Variants in SPACA6 observed in about 807,000 individuals in gnomAD.
The protein encoded by SPACA6 is sperm acrosome associated 6.
For synonymous variants in SPACA6, 6 were observed against 1.5 expected, an observed-to-expected ratio of 4.05 and a Z score of -2.21; for missense variants, 8 against 2.8, an observed-to-expected ratio of 2.88 and a Z score of -1.34.
rs1319278192 is a variant in SPACA6, at chr19:51,704,000, T to C, written c.574-30T>C. 2 of 399,814 alleles carry C rather than the reference T, an allele frequency of 5.0e-6. No individual in the cohort carries two copies. Among genetic ancestry groups the C allele is most frequent in the African/African-American group, 2.1e-5 (1 of 48,272 alleles). 24.8% of individuals were successfully genotyped at this position (399,814 alleles called of 1,614,324 possible). On this transcript the variant is annotated intron_variant, in intron 6 of 8. Transcript: ENST00000637797. The surrounding 1 kb of genome is among the most constrained non-coding windows in gnomAD (Gnocchi z 4.2). The stretch of plus-strand genomic sequence containing the variant: ...TAGGTTACTCAGTGGCAAGCCGGAG[T>C]TGAGGCGTTTAAACCCGCGTGTCCC...
intron 2 of SPACA6, among the ~76,000 whole-genome samples, chr19:51,699,811 G>A (rs1024182966): frequency 6.6e-5 from 10 of 152,242 alleles, no homozygotes; most frequent in South Asian, 2.1e-4. Flanking sequence ...GTTTGGTTGC[G>A]GGGGATGGGG....
intron 2 of SPACA6, among the ~76,000 whole-genome samples, chr19:51,711,121 G>A (rs910216478): frequency 4.7e-4 from 72 of 152,164 alleles, no homozygotes; most frequent in African/African-American, 1.5e-3. Context: ...AGCGTTTCAA[G>A]GAAGAGTGAT....
upstream of SPACA6, chr19:51,692,524 C>G (rs917207605): frequency 2.2e-6 from 1 of 451,310 alleles, no homozygotes; most frequent in Non-Finnish European, 4.4e-6. This position sits in a 1 kb window ranked among gnomAD's most constrained non-coding sequence, Gnocchi z 5.6. Context: ...AGCCTTGACT[C>G]CAGGGTCCCT....
upstream of SPACA6, chr19:51,689,680 G>C (rs1241801071): frequency 2.0e-5 from 3 of 147,792 alleles, no homozygotes; most frequent in African/African-American, 5.0e-5. Flanking sequence ...GTTCTTGGAG[G>C]AGGAGTTGGG....
downstream of SPACA6, among the ~76,000 whole-genome samples, chr19:51,710,346 G>T (rs540707104): frequency 1.3e-5 from 2 of 152,202 alleles, no homozygotes; most frequent in African/African-American, 4.8e-5. Context: ...ATCAAAGAAT[G>T]CATGAATGGG....
At chr19:51,702,037 C>G (rs964467005) in intron 3 of SPACA6, among the ~76,000 whole-genome samples, 1 of 152,152 alleles carries the variant, frequency 6.6e-6, no homozygotes, top group Non-Finnish European at 1.5e-5. Flanking sequence ...GCACTCCAGC[C>G]TGGGTGACAG....
At chr19:51,709,531 C>CAAAAAAAAAAAAAAA (rs56170768), downstream of SPACA6, among the ~76,000 whole-genome samples, 1 of 54,456 alleles carries the variant, frequency 1.8e-5, no homozygotes. Flanking sequence ...AAAAAAAAGG[C>CAAAAAAAAAAAAAAA]AAAAAAAAAA....
At chr19:51,701,622 T>A in intron 2 of SPACA6, 36 bp from the exon 3 acceptor site, 1 of 398,650 alleles carries the variant, frequency 2.5e-6, no homozygotes, top group Non-Finnish European at 4.4e-6. Context: ...GGGGAAGGGC[T>A]TTACTACACA....
chr19:51,711,342 C>G (rs993358739), intron 2 of SPACA6, among the ~76,000 whole-genome samples: 6 of 152,204 alleles, frequency 3.9e-5, no homozygotes, highest in Non-Finnish European at 7.4e-5. Context: ...ACAATGAAAG[C>G]CACTTCACAC....
chr19:51,692,892 C>T (rs748537392), upstream of SPACA6: 3 of 532,770 alleles, frequency 5.6e-6, no homozygotes, highest in East Asian at 5.5e-5. The surrounding 1 kb of genome is among the most constrained non-coding windows in gnomAD (Gnocchi z 5.6). Context: ...CGGGGCCCGG[C>T]GGGGACCCCC....
chr19:51,703,211 C>A lies in SPACA6; in HGVS notation c.464-17C>A, dbSNP rs2083483737. 1 of 399,432 alleles carries A rather than the reference C, an allele frequency of 2.5e-6. No individual in the cohort carries two copies. Among genetic ancestry groups the A allele is most frequent in the Non-Finnish European group, 4.4e-6 (1 of 226,150 alleles). The allele number at this position is 399,432 out of a possible 1,614,324, so 24.7% of individuals were successfully genotyped here. On this transcript the variant is annotated splice_polypyrimidine_tract_variant and intron_variant, in intron 5 of 8. Coordinates refer to ENST00000637797, the MANE Select transcript of SPACA6 (RefSeq NM_001316972.2). This position sits in a 1 kb window ranked among gnomAD's most constrained non-coding sequence, Gnocchi z 4.2. ...ACGTGGTCGGGGCCCAGCGAGTGAACCCTGCTCCGTCTTCAGTTCAGGATG... is the reference window on the plus strand; with the variant it reads ...ACGTGGTCGGGGCCCAGCGAGTGAAACCTGCTCCGTCTTCAGTTCAGGATG...
downstream of SPACA6, among the ~76,000 whole-genome samples, chr19:51,708,108 G>A (rs193297650): frequency 3.3e-5 from 5 of 152,228 alleles, no homozygotes; most frequent in Admixed American, 1.3e-4. Flanking sequence ...GGGTGAGGCC[G>A]AAAGCTCCAA....
intron 2 of SPACA6, among the ~76,000 whole-genome samples, chr19:51,697,062 C>T (rs1365589814): frequency 6.6e-6 from 1 of 152,180 alleles, no homozygotes; most frequent in Non-Finnish European, 1.5e-5. Flanking sequence ...CACCTCTGAC[C>T]AGGAGGTCCA....
At chr19:51,686,975 G>A (rs1240162536), upstream of SPACA6, 2 of 152,136 alleles carry the variant, frequency 1.3e-5, no homozygotes, top group South Asian at 4.1e-4. Flanking sequence ...AAAAGCATTG[G>A]ACAAAATCAC....
chr19:51,706,690 G>C (rs1387363783), downstream of SPACA6, among the ~76,000 whole-genome samples: 1 of 148,654 alleles, frequency 6.7e-6, no homozygotes, highest in African/African-American at 2.5e-5. Flanking sequence ...TTTGAGTTTC[G>C]CTCTTGTTGC....
chr19:51,692,183 G>T (rs1041686843), upstream of SPACA6, among the ~76,000 whole-genome samples: 1 of 152,166 alleles, frequency 6.6e-6, no homozygotes, highest in South Asian at 2.1e-4. The surrounding 1 kb of genome is among the most constrained non-coding windows in gnomAD (Gnocchi z 5.6). Flanking sequence ...TGACAGGAGG[G>T]TAGGTAGGAA....
chr19:51,696,207 G>C (rs2083429814), intron 2 of SPACA6, among the ~76,000 whole-genome samples: 1 of 152,162 alleles, frequency 6.6e-6, no homozygotes, highest in South Asian at 2.1e-4. Context: ...AGATGGACCA[G>C]AGGGAGAGTC....
At chr19:51,690,633 C>T (rs1327971191), upstream of SPACA6, among the ~76,000 whole-genome samples, 1 of 152,046 alleles carries the variant, frequency 6.6e-6, no homozygotes, top group Non-Finnish European at 1.5e-5. Context: ...TGGGGGAAGT[C>T]CAGAGCCTAC....
At chr19:51,711,742 A>G (rs2083542242) in intron 2 of SPACA6, among the ~76,000 whole-genome samples, 1 of 151,884 alleles carries the variant, frequency 6.6e-6, no homozygotes, top group Non-Finnish European at 1.5e-5. Flanking sequence ...ATGCAACAAC[A>G]TGGATGAACC....
Sources: allele counts gnomAD v4.1 joint callset (sites outside exome capture counted in the v4.1 genomes callset), GRCh38; gene constraint gnomAD v4.1.1; non-coding constraint Gnocchi (gnomAD v3.1); transcripts MANE v1.5; gene names NCBI Gene and HGNC (gene_info 2026-07-23, HGNC 2026-07-21).